TBC1D4: variants seen among roughly 807,000 people sequenced by gnomAD.
The protein encoded by TBC1D4 is TBC (Tre-2, BUB2, CDC16) domain-containing protein.
In TBC1D4, 121 loss-of-function variants were observed where a neutral mutation model predicts 142.5. The ratio of observed to expected loss-of-function variants is 0.85; its 90% CI spans 0.73 to 0.99. The LOEUF (loss-of-function observed/expected upper bound fraction) is 0.99. Among genes scored for constraint, TBC1D4 ranks in the 50% least tolerant of loss-of-function variants. TBC1D4 has a pLI of 0.00. For missense variants in TBC1D4, 1,475 were observed against 1,606.6 expected, an observed-to-expected ratio of 0.92 and a Z score of 1.40; for synonymous variants, 630 against 628.2, an observed-to-expected ratio of 1.00 and a Z score of -0.04.
intron 13 of TBC1D4, among the ~76,000 whole-genome samples, chr13:75,312,185 C>T (rs960128456): frequency 6.6e-6 from 1 of 152,020 alleles, no homozygotes; most frequent in African/African-American, 2.4e-5. Context: ...CTCTCTTTTG[C>T]TCAGTATTTG....
chr13:75,479,255 T>C (rs934225942), intron 1 of TBC1D4, among the ~76,000 whole-genome samples: 4 of 152,150 alleles, frequency 2.6e-5, no homozygotes, highest in Non-Finnish European at 4.4e-5. Context: ...AGGAAATCTC[T>C]TGGTTAAGAG....
At chr13:75,366,421 T>C (rs970889209) in intron 1 of TBC1D4, among the ~76,000 whole-genome samples, 9 of 146,612 alleles carry the variant, frequency 6.1e-5, no homozygotes, top group African/African-American at 2.3e-4. Flanking sequence ...AATGCCAATA[T>C]AAAGGCAGGA....
Position 75,286,730 on chromosome 13 carries a change from G to T in TBC1D4, c.*62C>A, listed in dbSNP as rs1874708816. ...GGGTCCAGCCTTGGGCCAGCGACATGCAGGCTCTTCCTCTCTGTAGTATTC... is the reference window on the plus strand; with the variant it reads ...GGGTCCAGCCTTGGGCCAGCGACATTCAGGCTCTTCCTCTCTGTAGTATTC... On this transcript the variant is annotated 3_prime_UTR_variant, in exon 21 of 21. Coordinates refer to ENST00000377636, the MANE Select transcript of TBC1D4 (RefSeq NM_014832.5). 1.2e-5 allele frequency: 18 copies of T among 1,527,950 alleles called. No individual in the cohort carries two copies. Among genetic ancestry groups the T allele is most frequent in the Non-Finnish European group, 1.6e-5 (18 of 1,115,298 alleles). 94.6% of individuals were successfully genotyped at this position (1,527,950 alleles called of 1,614,324 possible).
chr13:75,291,637 C>A (rs1000091176), intron 19 of TBC1D4, among the ~76,000 whole-genome samples: 1 of 152,188 alleles, frequency 6.6e-6, no homozygotes, highest in Non-Finnish European at 1.5e-5. Flanking sequence ...CTGTCCCATT[C>A]TGGACAACTA....
chr13:75,341,710 G>A (rs529345385), intron 5 of TBC1D4, 123 bp from the exon 6 acceptor site: 212 of 780,068 alleles, frequency 2.7e-4, no homozygotes, highest in Non-Finnish European at 4.0e-4. Context: ...TCAAGGAGAC[G>A]TGTTCCTGCC....
intron 1 of TBC1D4, among the ~76,000 whole-genome samples, chr13:75,466,202 A>G (rs1280463578): frequency 6.6e-6 from 1 of 152,232 alleles, no homozygotes; most frequent in Admixed American, 6.5e-5. Context: ...GTAGTCAATA[A>G]TAAGTGGTCT....
Position 75,362,679 on chromosome 13 carries a change from A to G in TBC1D4, c.499-72T>C. On this transcript the variant is annotated intron_variant, in intron 1 of 20. Transcript: ENST00000377636. This position sits in a 1 kb window ranked among gnomAD's most constrained non-coding sequence, Gnocchi z 4.2. ...CAATTTACATTTACCTAGCCCAATT[A>G]TTACCACATGGAATGTATTTTCATC... 1 of 1,490,416 alleles carries G rather than the reference A, an allele frequency of 6.7e-7. No homozygotes were observed. The highest frequency in any genetic ancestry group is 9.3e-7 in the Non-Finnish European group (1 of 1,076,418). 92.3% of individuals were successfully genotyped at this position (1,490,416 alleles called of 1,614,324 possible).
intron 1 of TBC1D4, among the ~76,000 whole-genome samples, chr13:75,470,351 C>T (rs1888348939): frequency 6.6e-6 from 1 of 152,166 alleles, no homozygotes; most frequent in Non-Finnish European, 1.5e-5. Flanking sequence ...AACCCACTGT[C>T]TACTGCCGTA....
chr13:75,313,062 C>T lies in TBC1D4; in HGVS notation c.2223-164G>A, dbSNP rs546433907. Reference sequence around the variant, plus strand: ...CCAGGCACACTAGTCACCCAGGCCACCACATCCTGGGGAAACAGCAATCTA... The same window carrying T: ...CCAGGCACACTAGTCACCCAGGCCATCACATCCTGGGGAAACAGCAATCTA... On this transcript the variant is annotated intron_variant, in intron 12 of 20. Transcript: ENST00000377636. 3.9e-5 allele frequency among the ~76,000 whole-genome samples: 6 copies of T among 152,280 alleles called. No homozygotes were observed. The South Asian group carries it at 1.2e-3, about 32-fold the overall frequency.
At chr13:75,440,005 T>C (rs1266299968) in intron 1 of TBC1D4, among the ~76,000 whole-genome samples, 1 of 152,342 alleles carries the variant, frequency 6.6e-6, no homozygotes. Context: ...TTAATGAGCA[T>C]AATAATTTTG....
intron 8 of TBC1D4, among the ~76,000 whole-genome samples, chr13:75,330,867 G>A (rs1434631022): frequency 6.6e-6 from 1 of 152,172 alleles, no homozygotes; most frequent in African/African-American, 2.4e-5. Context: ...GTGTAGCCAA[G>A]AGGAAAATAT....
At chr13:75,344,141 G>A (rs1228918545) in intron 5 of TBC1D4, among the ~76,000 whole-genome samples, 2 of 152,154 alleles carry the variant, frequency 1.3e-5, no homozygotes, top group African/African-American at 4.8e-5. Flanking sequence ...TAGCCACCGT[G>A]CCCGGCCACT....
chr13:75,386,737 A>G (rs1052267004), intron 1 of TBC1D4, among the ~76,000 whole-genome samples: 1 of 152,234 alleles, frequency 6.6e-6, no homozygotes, highest in African/African-American at 2.4e-5. Flanking sequence ...CAAATAAAAA[A>G]AACACTCATC....
chr13:75,407,607 A>C (rs1188535639), intron 1 of TBC1D4, among the ~76,000 whole-genome samples: 1 of 152,234 alleles, frequency 6.6e-6, no homozygotes, highest in African/African-American at 2.4e-5. Flanking sequence ...TCTCTGAGGA[A>C]GGATGCAAAG....
intron 1 of TBC1D4, among the ~76,000 whole-genome samples, chr13:75,470,384 C>A (rs531979239): frequency 6.6e-6 from 1 of 152,286 alleles, no homozygotes; most frequent in Non-Finnish European, 1.5e-5. Flanking sequence ...GGGCACCAGA[C>A]TGGCAGCATC....
intron 1 of TBC1D4, among the ~76,000 whole-genome samples, chr13:75,416,500 C>T (rs764946079): frequency 3.9e-5 from 6 of 152,170 alleles, no homozygotes; most frequent in Non-Finnish European, 8.8e-5. Context: ...CCTCTCATTT[C>T]CAAGCTGCAG....
At chr13:75,316,511 A>G (rs543542091) in intron 12 of TBC1D4, 1 of 152,308 alleles carries the variant, frequency 6.6e-6, no homozygotes, top group South Asian at 2.1e-4. Context: ...CTAAAAATCG[A>G]CATCTTGAAA....
rs187147824 is a variant in TBC1D4, at chr13:75,441,540, C to G, written c.498+39730G>C. On this transcript the variant is annotated intron_variant, in intron 1 of 20. Transcript: ENST00000377636. ...TTTCCCCCCTTGAGTAACTTAAAAG[C>G]ACTATATTTTTAATATCTCTAAAAA... Among the ~76,000 whole-genome samples, 12 of 152,200 alleles carry G rather than the reference C, an allele frequency of 7.9e-5. No homozygotes were observed. In the East Asian group the frequency reaches 1.5e-3, roughly 20 times the overall value.
At chr13:75,337,657 C>T (rs755655856) in intron 7 of TBC1D4, among the ~76,000 whole-genome samples, 12 of 152,226 alleles carry the variant, frequency 7.9e-5, no homozygotes, top group East Asian at 5.8e-4. Context: ...AACTTTCAAG[C>T]GAGAAACCTT....
Sources: allele counts gnomAD v4.1 joint callset (sites outside exome capture counted in the v4.1 genomes callset), GRCh38; gene constraint gnomAD v4.1.1; non-coding constraint Gnocchi (gnomAD v3.1); transcripts MANE v1.5; gene names NCBI Gene and HGNC (gene_info 2026-07-23, HGNC 2026-07-21).